The following CRYL1 variants were observed in gnomAD, a reference collection of about 807,000 sequenced individuals.
CRYL1 encodes the protein crystallin lambda 1.
Under a neutral mutation model 36.6 loss-of-function variants are expected in CRYL1, and 29 were observed. That is an observed-to-expected ratio of 0.79 (90% CI 0.59 to 1.08). The LOEUF (loss-of-function observed/expected upper bound fraction) is 1.08. Ranked by LOEUF, CRYL1 falls within the 50% of genes least tolerant of loss-of-function variation. CRYL1 has a pLI of 0.00. For missense variants in CRYL1, 411 were observed against 407.9 expected (o/e 1.01, Z -0.06); for synonymous variants, 152 against 151.5 (o/e 1.00, Z -0.02).
rs958767137 is a variant in CRYL1 at position 20,415,660 on chromosome 13, A to G, written c.634-2273T>C. On this transcript the variant is annotated intron_variant, in intron 5 of 7. Transcript: ENST00000298248. The surrounding 1 kb of genome is among the most constrained non-coding windows in gnomAD (Gnocchi z 4.1). ...TGAACAAGCCACAGTCCACGTTTCCAGGAGAATTACAAAGCAAACGCTTGG... is the reference window on the plus strand; with the variant it reads ...TGAACAAGCCACAGTCCACGTTTCCGGGAGAATTACAAAGCAAACGCTTGG... 1.3e-5 allele frequency among the ~76,000 whole-genome samples: 2 copies of G among 152,212 alleles called. No homozygotes were observed. The highest frequency in any genetic ancestry group is 4.8e-5 in the African/African-American group (2 of 41,466).
chr13:20,421,024 C>T (rs541836733), intron 5 of CRYL1, among the ~76,000 whole-genome samples: 2 of 150,854 alleles, frequency 1.3e-5, no homozygotes, highest in Non-Finnish European at 1.5e-5. Context: ...TGAGCCACTG[C>T]GCCCAGCCTA....
Position 20,435,497 on chromosome 13 carries a change from C to A in CRYL1, c.439-3201G>T, listed in dbSNP as rs910211078. ...GGGAAACAGTCTCCCTAACCACAGCCCTCAGCCTCTGGCCCAAGAGGTCAA... is the reference window on the plus strand; with the variant it reads ...GGGAAACAGTCTCCCTAACCACAGCACTCAGCCTCTGGCCCAAGAGGTCAA... On this transcript the variant is annotated intron_variant, in intron 4 of 7. Coordinates refer to ENST00000298248, the MANE Select transcript of CRYL1 (RefSeq NM_015974.3). The surrounding 1 kb of genome is among the most constrained non-coding windows in gnomAD (Gnocchi z 4.0). Among the ~76,000 whole-genome samples the A allele has an allele frequency of 3.9e-5, 6 of 152,234 alleles. No individual in the cohort carries two copies. The highest frequency in any genetic ancestry group is 1.2e-4 in the African/African-American group (5 of 41,468).
intron 1 of CRYL1, among the ~76,000 whole-genome samples, chr13:20,520,059 C>T (rs1006337451): frequency 6.6e-6 from 1 of 151,936 alleles, no homozygotes; most frequent in African/African-American, 2.4e-5. Context: ...TAACTGAAAC[C>T]ATATTAGCCA....
intron 3 of CRYL1, among the ~76,000 whole-genome samples, chr13:20,489,100 A>G (rs1293214460): frequency 6.6e-6 from 1 of 152,210 alleles, no homozygotes; most frequent in Non-Finnish European, 1.5e-5. Context: ...TAATGCCTCT[A>G]AAATACAACA....
chr13:20,471,898 G>A (rs2033070680), intron 3 of CRYL1, among the ~76,000 whole-genome samples: 1 of 150,324 alleles, frequency 6.7e-6, no homozygotes, highest in Non-Finnish European at 1.5e-5. Flanking sequence ...TTGTTGCCCA[G>A]GCTGGAATCT....
chr13:20,410,611 AT>A (rs1326384540), intron 6 of CRYL1, among the ~76,000 whole-genome samples: 1 of 152,198 alleles, frequency 6.6e-6, no homozygotes, highest in Non-Finnish European at 1.5e-5. Context: ...TTTTGGAAGA[AT>A]TTTAAAAACC....
chr13:20,447,538 A>T (rs1421638956), intron 3 of CRYL1, among the ~76,000 whole-genome samples: 1 of 151,828 alleles, frequency 6.6e-6, no homozygotes, highest in Admixed American at 6.6e-5. Flanking sequence ...CTAGGCTGAC[A>T]AGTATTAGGT....
intron 2 of CRYL1, among the ~76,000 whole-genome samples, chr13:20,494,070 C>T (rs2033563172): frequency 6.6e-6 from 1 of 152,198 alleles, no homozygotes; most frequent in South Asian, 2.1e-4. Flanking sequence ...TTGAATTTTT[C>T]AGTTTTTAAC....
rs145515852 is a variant in CRYL1, at chr13:20,504,461, G to A, written c.149+7982C>T. Among the ~76,000 whole-genome samples, 150 of 151,742 alleles carry A rather than the reference G, an allele frequency of 9.9e-4. 1 individual carries two copies. The highest frequency in any genetic ancestry group is 3.3e-3 in the African/African-American group (138 of 41,396). ...TGCGATTACAGGCACCCACCATCAC[G>A]CCCAGCTGATTTTTTTGTATTTTTA... On this transcript the variant is annotated intron_variant, in intron 2 of 7. Transcript: ENST00000298248.
intron 6 of CRYL1, among the ~76,000 whole-genome samples, chr13:20,405,385 G>T (rs1226952973): frequency 1.3e-5 from 2 of 152,212 alleles, no homozygotes; most frequent in Admixed American, 1.3e-4. Context: ...GGCTATCACA[G>T]TAAGTCCTAA....
intron 5 of CRYL1, chr13:20,430,777 G>T (rs1251129776): frequency 2.0e-6 from 2 of 985,372 alleles, no homozygotes; most frequent in South Asian, 9.4e-5. Flanking sequence ...ACCCCACAAG[G>T]TTTAATTCAA....
rs551720744 is a variant in CRYL1, at chr13:20,471,955, G to A, written c.276+17415C>T. ...AGCTTACTGCAACCTCCGCCTCCCA[G>A]GATCAAGCAATTCTCTTGCCTTAGC... On this transcript the variant is annotated intron_variant, in intron 3 of 7. Coordinates refer to ENST00000298248, the MANE Select transcript of CRYL1 (RefSeq NM_015974.3). Among the ~76,000 whole-genome samples the A allele has an allele frequency of 2.0e-5, 3 of 152,042 alleles. No homozygotes were observed. In the East Asian group the frequency reaches 5.8e-4, roughly 29 times the overall value.
At chr13:20,412,636 T>A (rs578064745) in intron 6 of CRYL1, among the ~76,000 whole-genome samples, 108 of 152,350 alleles carry the variant, frequency 7.1e-4, no homozygotes, top group African/African-American at 2.4e-3. Context: ...AAAATCTGGT[T>A]GACAGAGTTT....
chr13:20,446,160 G>A (rs1025414707), intron 3 of CRYL1, among the ~76,000 whole-genome samples: 69 of 152,200 alleles, frequency 4.5e-4, no homozygotes, highest in African/African-American at 1.6e-3. Context: ...CGCCCAGGCT[G>A]GAGTGCAGTG....
intron 6 of CRYL1, among the ~76,000 whole-genome samples, chr13:20,413,006 C>T (rs1565955634): frequency 6.6e-6 from 1 of 152,140 alleles, no homozygotes; most frequent in South Asian, 2.1e-4. Flanking sequence ...TGACATGCTG[C>T]GAAGTTTCTG....
At chr13:20,431,332 T>C in intron 5 of CRYL1, 1 of 985,442 alleles carries the variant, frequency 1.0e-6, no homozygotes. Flanking sequence ...AGCTGGGTAC[T>C]TCCGGCCCTT....
chr13:20,507,718 A>G (rs1158885634), intron 2 of CRYL1, among the ~76,000 whole-genome samples: 3 of 151,934 alleles, frequency 2.0e-5, no homozygotes, highest in East Asian at 1.9e-4. Flanking sequence ...GGAGATCGAG[A>G]CCATCCTGGC....
At chr13:20,511,450 G>C (rs2033916915) in intron 2 of CRYL1, among the ~76,000 whole-genome samples, 1 of 152,078 alleles carries the variant, frequency 6.6e-6, no homozygotes, top group South Asian at 2.1e-4. Context: ...GTAACAACAT[G>C]GAAGAAGTAA....
chr13:20,450,490 G>GA (rs36109204), intron 3 of CRYL1, among the ~76,000 whole-genome samples: 48 of 151,072 alleles, frequency 3.2e-4, no homozygotes, highest in Non-Finnish European at 4.0e-4. Flanking sequence ...GAGAATCCTA[G>GA]AAAAAAAAAC....
Sources: allele counts gnomAD v4.1 joint callset (sites outside exome capture counted in the v4.1 genomes callset), GRCh38; gene constraint gnomAD v4.1.1; non-coding constraint Gnocchi (gnomAD v3.1); transcripts MANE v1.5; gene names NCBI Gene and HGNC (gene_info 2026-07-23, HGNC 2026-07-21).